GIN1: variants seen among roughly 807,000 people sequenced by gnomAD.
The protein encoded by GIN1 is gypsy retrotransposon integrase-like protein 1.
A neutral mutation model predicts 51.4 loss-of-function variants in GIN1; 41 were observed. The ratio of observed to expected loss-of-function variants is 0.80; its 90% CI spans 0.62 to 1.04. The LOEUF is 1.04. Among genes scored for constraint, GIN1 ranks in the 50% least tolerant of loss-of-function variants. The pLI is 0.00. For missense variants in GIN1, 610 were observed against 612.4 expected (o/e 1.00, Z 0.04); for synonymous variants, 222 against 206.5 (o/e 1.07, Z -0.64).
chr5:103,096,635 T>C lies in GIN1; in HGVS notation c.1200A>G (p.Gly400=), dbSNP rs371484594. ...CAGTGTTGTCTCTCAGGACAGCACATCCACTTTCTGTAATATAGTCTATGA... is the reference window on the plus strand; with the variant it reads ...CAGTGTTGTCTCTCAGGACAGCACACCCACTTTCTGTAATATAGTCTATGA... ...PCVIDYITES[G]CAVLRDNTGV... is the part of the protein sequence containing the mutation. Residue 400 remains glycine, a synonymous_variant, in exon 7 of 8, where the codon GGA becomes GGG. Transcript: ENST00000399004. The C allele has an allele frequency of 6.8e-6, 11 of 1,613,042 alleles. No homozygotes were observed. The highest frequency in any genetic ancestry group is 5.9e-6 in the Non-Finnish European group (7 of 1,178,984).
At chr5:103,101,886 C>T (rs571856510) in intron 4 of GIN1, among the ~76,000 whole-genome samples, 4 of 152,334 alleles carry the variant, frequency 2.6e-5, no homozygotes, top group Admixed American at 2.6e-4. Flanking sequence ...TTCCCCCAAA[C>T]TGGATGGCCT....
intron 3 of GIN1, among the ~76,000 whole-genome samples, chr5:103,105,715 T>C (rs1554196206): frequency 6.6e-6 from 1 of 152,166 alleles, no homozygotes; most frequent in Non-Finnish European, 1.5e-5. Flanking sequence ...ACTTTCAAAC[T>C]AGCTTCTGAA....
At chr5:103,089,119 T>G (rs557867331) in intron 7 of GIN1, among the ~76,000 whole-genome samples, 8 of 152,206 alleles carry the variant, frequency 5.3e-5, no homozygotes, top group South Asian at 2.1e-4. Flanking sequence ...TAGGAACTTT[T>G]AAGGTCTACC....
At chr5:103,112,918 G>T (rs1554197033) in intron 1 of GIN1, among the ~76,000 whole-genome samples, 1 of 151,688 alleles carries the variant, frequency 6.6e-6, no homozygotes, top group Non-Finnish European at 1.5e-5. Flanking sequence ...TAAATGAGAG[G>T]AAAAGAGGAG....
intron 2 of GIN1, 108 bp from the exon 3 acceptor site, chr5:103,107,017 G>T (rs959903058): frequency 3.3e-6 from 2 of 613,898 alleles, no homozygotes; most frequent in Non-Finnish European, 5.5e-6. Context: ...GTTTTGTTTT[G>T]TAAAATCTTA....
intron 4 of GIN1, among the ~76,000 whole-genome samples, chr5:103,099,996 T>A (rs1181786893): frequency 6.6e-6 from 1 of 152,236 alleles, no homozygotes; most frequent in African/African-American, 2.4e-5. Flanking sequence ...AGTGAAGCCA[T>A]TTTAATCACA....
At chr5:103,098,530 T>C (rs782748910) in intron 4 of GIN1, among the ~76,000 whole-genome samples, 1 of 152,136 alleles carries the variant, frequency 6.6e-6, no homozygotes, top group Non-Finnish European at 1.5e-5. Context: ...TCGCACAGGC[T>C]GGAGGGCAGC....
In GIN1 at chr5:103,106,884, T is replaced by C; in HGVS notation, c.165A>G (p.Lys55=). The C allele has an allele frequency of 6.4e-7, 1 of 1,574,676 alleles. No individual in the cohort carries two copies. The highest frequency in any genetic ancestry group is 8.6e-7 in the Non-Finnish European group (1 of 1,162,026). The stretch of plus-strand genomic sequence containing the variant: ...TTACCAAACGATTTTGTTTTCTGTC[T>C]TTTCCAACATAAAACAGCTTTTTTT... ...FKEKKLFYVG[K]DRKQNRLVIV... The change falls in exon 3 of 8, where the codon AAA becomes AAG. Residue 55 remains lysine (K), a synonymous_variant. Coordinates refer to ENST00000399004, the MANE Select transcript of GIN1 (RefSeq NM_017676.2).
intron 4 of GIN1, among the ~76,000 whole-genome samples, chr5:103,099,617 AG>A (rs1787511559): frequency 6.6e-6 from 1 of 152,196 alleles, no homozygotes; most frequent in Non-Finnish European, 1.5e-5. Flanking sequence ...GGAATGATCC[AG>A]GGAATCCATT....
intron 7 of GIN1, among the ~76,000 whole-genome samples, chr5:103,091,430 G>T (rs782817438): frequency 6.6e-6 from 1 of 152,138 alleles, no homozygotes; most frequent in African/African-American, 2.4e-5. Context: ...AACAGAGGCG[G>T]GGAGTAAGCA....
intron 2 of GIN1, among the ~76,000 whole-genome samples, chr5:103,108,150 T>G (rs116393251): frequency 3.3e-4 from 50 of 152,168 alleles, no homozygotes; most frequent in African/African-American, 1.2e-3. Context: ...GGGGACATGA[T>G]CACAGAAATA....
At chr5:103,091,660 C>A (rs1787240475) in intron 7 of GIN1, among the ~76,000 whole-genome samples, 1 of 152,018 alleles carries the variant, frequency 6.6e-6, no homozygotes, top group East Asian at 1.9e-4. Context: ...GTTTTGATAT[C>A]CATTTCTAAT....
At chr5:103,089,023 T>G (rs555024480) in intron 7 of GIN1, among the ~76,000 whole-genome samples, 1 of 152,280 alleles carries the variant, frequency 6.6e-6, no homozygotes, top group South Asian at 2.1e-4. Context: ...AACTGAGGCT[T>G]ATGTGATAAT....
At chr5:103,089,517 C>T (rs1001994887) in intron 7 of GIN1, among the ~76,000 whole-genome samples, 1 of 152,038 alleles carries the variant, frequency 6.6e-6, no homozygotes, top group Non-Finnish European at 1.5e-5. Flanking sequence ...AGTGCAATGG[C>T]GTGATAACAG....
intron 4 of GIN1, 22 bp downstream of exon 4, chr5:103,104,519 C>T: frequency 2.4e-6 from 3 of 1,235,438 alleles, no homozygotes; most frequent in Admixed American, 1.8e-5. Flanking sequence ...GCTCCCAGAC[C>T]TAAGTAGTTT....
Position 103,108,725 on chromosome 5 carries a change from G to T in GIN1, c.-7-11C>A. On this transcript the variant is annotated splice_polypyrimidine_tract_variant and intron_variant, in intron 1 of 7. Coordinates refer to ENST00000399004, the MANE Select transcript of GIN1 (RefSeq NM_017676.2). ...CGGACCATTGTGAACCTAGGTAAAA[G>T]GTATTTAAAAAGATAACTTAAATTT... is the stretch of plus-strand genomic sequence containing the variant. 1.3e-6 allele frequency: 2 copies of T among 1,557,926 alleles called. No homozygotes were observed. The highest frequency in any genetic ancestry group is 2.3e-5 in the East Asian group (1 of 43,794).
chr5:103,104,564 G>T lies in GIN1; in HGVS notation c.616C>A (p.Gln206Lys). Residue 206 changes from glutamine to lysine, a missense_variant, in exon 4 of 8, where the codon CAA becomes AAA. By Grantham distance (53) the Gln-to-Lys change is moderately conservative. Coordinates refer to ENST00000399004, the MANE Select transcript of GIN1 (RefSeq NM_017676.2). ...ACCTGTTGAATGAATTCATCTCTTT[G>T]GTCCATTATTATTTTCTGAGGAGGT... is the stretch of plus-strand genomic sequence containing the variant. ...YGPPQKIIMD[Q>K]RDEFIQQINI... is the part of the protein sequence containing the mutation. The T allele has an allele frequency of 6.6e-7, 1 of 1,524,182 alleles. No individual in the cohort carries two copies. The highest frequency in any genetic ancestry group is 9.1e-7 in the Non-Finnish European group (1 of 1,101,660). The allele number at this position is 1,524,182 out of a possible 1,614,324, so 94.4% of individuals were successfully genotyped here.
In GIN1 at chr5:103,097,472, G is replaced by T. The variant is rs782261502; in HGVS notation, c.850C>A (p.Pro284Thr). The change falls in exon 6 of 8, where the codon CCA (proline) becomes ACA (threonine). Residue 284 changes from proline to threonine, a missense_variant. Coordinates refer to ENST00000399004, the MANE Select transcript of GIN1 (RefSeq NM_017676.2). ...TTTCGACTAAACATTTGAAAATATG[G>T]TGTATTTTTAGTAGGTTCCTATTTT... ...VTHLEPTKNT[P>T]YFQMFSRNPY... is the part of the protein sequence containing the mutation. 4 of 1,553,584 alleles carry T rather than the reference G, an allele frequency of 2.6e-6. No homozygotes were observed. Among genetic ancestry groups the T allele is most frequent in the Non-Finnish European group, 3.5e-6 (4 of 1,132,974 alleles).
chr5:103,103,831 C>G (rs1554195990), intron 4 of GIN1, among the ~76,000 whole-genome samples: 1 of 152,060 alleles, frequency 6.6e-6, no homozygotes, highest in African/African-American at 2.4e-5. Flanking sequence ...ACTCTGTTGC[C>G]CAGATTGAAG....
Sources: gnomAD v4.1 joint callset for allele counts (sites outside exome capture counted in the v4.1 genomes callset) on GRCh38, gnomAD v4.1.1 for gene constraint, MANE v1.5 for transcripts, NCBI Gene and HGNC (gene_info 2026-07-23, HGNC 2026-07-21) for gene names.